CD22: variants seen among roughly 807,000 people sequenced by gnomAD.
CD22 encodes the protein B-cell receptor CD22.
A neutral mutation model predicts 94.7 loss-of-function variants in CD22; 51 were observed. The ratio of observed to expected loss-of-function variants is 0.54; its 90% CI spans 0.43 to 0.68. The LOEUF is 0.68. Ranked by LOEUF, CD22 falls within the 30% of genes least tolerant of loss-of-function variation. CD22 has a pLI of 0.00. For synonymous variants in CD22, 424 were observed against 422.5 expected, an observed-to-expected ratio of 1.00 and a Z score of -0.04; for missense variants, 931 against 1,060.4, an observed-to-expected ratio of 0.88 and a Z score of 1.69.
Position 35,346,836 on chromosome 19 carries a change from A to T in CD22, c.*139A>T. 3.6e-6 allele frequency: 3 copies of T among 832,060 alleles called. No individual in the cohort carries two copies. Among genetic ancestry groups the T allele is most frequent in the Non-Finnish European group, 5.4e-6 (3 of 553,452 alleles). The allele number at this position is 832,060 out of a possible 1,614,324, so 51.5% of individuals were successfully genotyped here. A position where few individuals can be genotyped will look rare whatever the true frequency, so the allele number is the denominator to read the frequency against. Reference sequence around the variant, plus strand: ...CACACACGCACACACACACACACACACTCACTGCGGAGAACCTTGTGCCTG... The same window carrying T: ...CACACACGCACACACACACACACACTCTCACTGCGGAGAACCTTGTGCCTG... On this transcript the variant is annotated 3_prime_UTR_variant, in exon 14 of 14. Transcript: ENST00000085219.
intron 6 of CD22, 114 bp downstream of exon 6, chr19:35,338,545 C>A: frequency 9.1e-7 from 1 of 1,101,658 alleles, no homozygotes; most frequent in Non-Finnish European, 1.3e-6. Flanking sequence ...AAGGAGCAGC[C>A]AGGGTCTCCT....
chr19:35,329,243 T>C lies in CD22; in HGVS notation c.-23+13T>C. On this transcript the variant is annotated intron_variant, in intron 1 of 13. Coordinates refer to ENST00000085219, the MANE Select transcript of CD22 (RefSeq NM_001771.4). ...CACGCGGAAACAGGTAAAAATCATT[T>C]TGCTTTTATTTTGCATTCAACAAGC... 1.6e-6 allele frequency: 2 copies of C among 1,288,808 alleles called. No individual in the cohort carries two copies. The highest frequency in any genetic ancestry group is 2.0e-6 in the Non-Finnish European group (2 of 987,948). The allele number at this position is 1,288,808 out of a possible 1,614,324, so 79.8% of individuals were successfully genotyped here.
Position 35,341,651 on chromosome 19 carries a change from G to A in CD22, c.1771+45G>A. On this transcript the variant is annotated intron_variant, in intron 8 of 13. Coordinates refer to ENST00000085219, the MANE Select transcript of CD22 (RefSeq NM_001771.4). This position sits in a 1 kb window ranked among gnomAD's most constrained non-coding sequence, Gnocchi z 4.0. Reference sequence around the variant, plus strand: ...TGGGAGTGGAGCAGAGAAGGGACCAGTGGCCTGCCTGGTAGTGACTTCGCA... The same window carrying A: ...TGGGAGTGGAGCAGAGAAGGGACCAATGGCCTGCCTGGTAGTGACTTCGCA... 2 of 1,607,154 alleles carry A rather than the reference G, an allele frequency of 1.2e-6. No homozygotes were observed. Among genetic ancestry groups the A allele is most frequent in the Non-Finnish European group, 1.7e-6 (2 of 1,175,608 alleles).
chr19:35,339,628 G>A (rs1202663684), intron 6 of CD22, among the ~76,000 whole-genome samples: 1 of 152,174 alleles, frequency 6.6e-6, no homozygotes, highest in Non-Finnish European at 1.5e-5. Flanking sequence ...GGCCAAGGTG[G>A]GCAGATCACC....
Position 35,332,631 on chromosome 19 carries a change from T to C in CD22, c.119T>C (p.Val40Ala). The change falls in exon 3 of 14, where the codon GTC becomes GCC. Residue 40 changes from valine (V) to alanine (A), a missense_variant. Transcript: ENST00000085219. ...ETLYAWEGAC[V>A]WIPCTYRALD... ...CTCTACGCCTGGGAGGGGGCCTGCG[T>C]CTGGATCCCCTGCACCTACAGAGCC... 1 of 1,614,082 alleles carries C rather than the reference T, an allele frequency of 6.2e-7. No homozygotes were observed. The highest frequency in any genetic ancestry group is 8.5e-7 in the Non-Finnish European group (1 of 1,180,014).
intron 3 of CD22, among the ~76,000 whole-genome samples, chr19:35,335,270 A>G (rs1353605140): frequency 6.6e-6 from 1 of 152,036 alleles, no homozygotes; most frequent in Non-Finnish European, 1.5e-5. Context: ...GAAAAGCAGG[A>G]CTGCGTTGGG....
rs1003199325 is a variant in CD22, at chr19:35,337,164, A to G, written c.719-591A>G. ...CAAGGCAGGAGAATGACATGAACCC[A>G]GGAGGCGGAGCTTGCAGTGAGCTGA... On this transcript the variant is annotated intron_variant, in intron 4 of 13. Transcript: ENST00000085219. The surrounding 1 kb of genome is among the most constrained non-coding windows in gnomAD (Gnocchi z 4.4). Among the ~76,000 whole-genome samples the G allele has an allele frequency of 1.3e-5, 2 of 152,172 alleles. No individual in the cohort carries two copies. The highest frequency in any genetic ancestry group is 1.5e-5 in the Non-Finnish European group (1 of 68,030).
In CD22 at chr19:35,346,824, A is replaced by ACG; in HGVS notation, c.*128_*129insGC. On this transcript the variant is annotated 3_prime_UTR_variant, in exon 14 of 14. Coordinates refer to ENST00000085219, the MANE Select transcript of CD22 (RefSeq NM_001771.4). ...CGCACACACACACACACACGCACAC[A>ACG]CACACACACACACTCACTGCGGAGA... The ACG allele has an allele frequency of 1.2e-6, 1 of 837,652 alleles. No individual in the cohort carries two copies. Among genetic ancestry groups the ACG allele is most frequent in the Non-Finnish European group, 1.8e-6 (1 of 551,450 alleles). 51.9% of individuals were successfully genotyped at this position (837,652 alleles called of 1,614,324 possible).
chr19:35,340,163 G>A (rs2066786266), intron 6 of CD22, among the ~76,000 whole-genome samples: 1 of 152,188 alleles, frequency 6.6e-6, no homozygotes, highest in Non-Finnish European at 1.5e-5. Flanking sequence ...AGCAGCCACA[G>A]TGATGTTTGT....
Position 35,346,995 on chromosome 19 carries a change from ACCACGGCCACTGGCCATCTCCACCC to A in CD22, c.*302_*326del. 3.6e-6 allele frequency: 1 copy of A among 279,244 alleles called. No homozygotes were observed. Among genetic ancestry groups the A allele is most frequent in the Admixed American group, 4.9e-5 (1 of 20,450 alleles). The allele number at this position is 279,244 out of a possible 1,614,324, so 17.3% of individuals were successfully genotyped here. On this transcript the variant is annotated 3_prime_UTR_variant, in exon 14 of 14. Coordinates refer to ENST00000085219, the MANE Select transcript of CD22 (RefSeq NM_001771.4). ...GACATGCACACCTCCCCCTGCCCCC[ACCACGGCCACTGGCCATCTCCACCC>A]CCAGCTGCTTGTGTCCCTCCTGGGA...
chr19:35,339,022 C>A (rs1372531856), intron 6 of CD22, among the ~76,000 whole-genome samples: 1 of 151,696 alleles, frequency 6.6e-6, no homozygotes, highest in African/African-American at 2.4e-5. Context: ...GTCTCTTGAA[C>A]CCAGGAGTTT....
At position 35,338,295 on chromosome 19, in the gene CD22, A is replaced by G; in HGVS notation, c.1113A>G (p.Lys371=). Residue 371 remains lysine (K), a synonymous_variant, in exon 6 of 14, where the codon AAA becomes AAG. Transcript: ENST00000085219. ...ATTACACGTGGTACCACAATGGGAAAGAAATGCAGGGAAGGACAGAGGAGA... is the reference window on the plus strand; with the variant it reads ...ATTACACGTGGTACCACAATGGGAAGGAAATGCAGGGAAGGACAGAGGAGA... ...PTNYTWYHNG[K]EMQGRTEEKV... The G allele has an allele frequency of 6.2e-7, 1 of 1,614,260 alleles. No homozygotes were observed. Among genetic ancestry groups the G allele is most frequent in the Non-Finnish European group, 8.5e-7 (1 of 1,180,042 alleles).
In CD22 at chr19:35,346,820, A is replaced by ATG. The variant is rs2066916766; in HGVS notation, c.*123_*124insTG. 1 of 425,296 alleles carries ATG rather than the reference A, an allele frequency of 2.4e-6. No individual in the cohort carries two copies. The highest frequency in any genetic ancestry group is 1.9e-5 in the African/African-American group (1 of 51,318). 26.3% of individuals were successfully genotyped at this position (425,296 alleles called of 1,614,324 possible). On this transcript the variant is annotated 3_prime_UTR_variant, in exon 14 of 14. Coordinates refer to ENST00000085219, the MANE Select transcript of CD22 (RefSeq NM_001771.4). Reference sequence around the variant, plus strand: ...TGTGCGCACACACACACACACACGCACACACACACACACACACTCACTGCG... The same window carrying ATG: ...TGTGCGCACACACACACACACACGCATGCACACACACACACACACTCACTGCG...
intron 13 of CD22, 146 bp from the exon 14 acceptor site, chr19:35,346,420 A>T (rs2066908463): frequency 1.6e-6 from 2 of 1,218,298 alleles, no homozygotes; most frequent in South Asian, 2.8e-5. Context: ...CAGGTCCTGG[A>T]TGCCGGCCAC....
intron 1 of CD22, chr19:35,329,993 T>C (rs902163269): frequency 1.3e-5 from 2 of 152,172 alleles, no homozygotes; most frequent in African/African-American, 4.8e-5. Flanking sequence ...ATGGTGTAGA[T>C]AGAGTTTACT....
intron 6 of CD22, 113 bp from the exon 7 acceptor site, chr19:35,340,768 A>G (rs2066796087): frequency 1.7e-6 from 2 of 1,177,778 alleles, no homozygotes; most frequent in Non-Finnish European, 2.5e-6. Context: ...CCTTTGATTA[A>G]TTTAGGACCT....
Position 35,346,802 on chromosome 19 carries a change from A to ACACACACACACACACG in CD22, c.*121_*136dup. Reference sequence around the variant, plus strand: ...GGCTTCCTCCTGCGCGCATGTGCGCACACACACACACACACGCACACACAC... The same window carrying ACACACACACACACACG: ...GGCTTCCTCCTGCGCGCATGTGCGCACACACACACACACACGCACACACACACACACGCACACACAC... On this transcript the variant is annotated 3_prime_UTR_variant, in exon 14 of 14. Transcript: ENST00000085219. 1 of 734,692 alleles carries ACACACACACACACACG rather than the reference A, an allele frequency of 1.4e-6. No homozygotes were observed. 45.5% of individuals were successfully genotyped at this position (734,692 alleles called of 1,614,324 possible).
In CD22 at chr19:35,345,589, G is replaced by A. The variant is rs139502169; in HGVS notation, c.2209-13G>A. The A allele has an allele frequency of 2.3e-4, 348 of 1,534,572 alleles. 1 individual carries two copies. Among genetic ancestry groups the A allele is most frequent in the African/African-American group, 1.0e-3 (74 of 73,654 alleles). On this transcript the variant is annotated splice_polypyrimidine_tract_variant and intron_variant, in intron 11 of 13. Transcript: ENST00000085219. ...AACAGGTGGTTAGCACTTCATCCTC[G>A]TCTCCCTCCCAGGTTAGAAGGGCCC...
chr19:35,341,248 CAG>C lies in CD22; in HGVS notation c.1508-94_1508-93del. On this transcript the variant is annotated intron_variant, in intron 7 of 13. Transcript: ENST00000085219. This position sits in a 1 kb window ranked among gnomAD's most constrained non-coding sequence, Gnocchi z 4.0. Reference sequence around the variant, plus strand: ...CAGTGTCTTCAACAGAATTGAGGGACAGGAGCCTGGCGTCAGGGCCAAGGGGA... The same window carrying C: ...CAGTGTCTTCAACAGAATTGAGGGACGAGCCTGGCGTCAGGGCCAAGGGGA... 1 of 1,594,188 alleles carries C rather than the reference CAG, an allele frequency of 6.3e-7. No homozygotes were observed. The highest frequency in any genetic ancestry group is 1.1e-5 in the South Asian group (1 of 88,960).
Sources: allele counts gnomAD v4.1 joint callset (sites outside exome capture counted in the v4.1 genomes callset), GRCh38; gene constraint gnomAD v4.1.1; non-coding constraint Gnocchi (gnomAD v3.1); transcripts MANE v1.5; gene names NCBI Gene and HGNC (gene_info 2026-07-23, HGNC 2026-07-21).